The following GPR39 variants were observed in gnomAD, a reference collection of about 807,000 sequenced individuals.
The protein encoded by GPR39 is zinc sensing receptor.
GPR39 carries 23 observed loss-of-function variants against 18.4 expected under a neutral mutation model. The ratio of observed to expected loss-of-function variants is 1.25; its 90% CI spans 0.90 to 1.77. The LOEUF (loss-of-function observed/expected upper bound fraction) is 1.77, where lower values mean the gene tolerates loss of function less well. GPR39 is among the 40% of genes most tolerant of loss of function. The probability of loss-of-function intolerance (pLI) is 0.00; values close to 1 mark genes in which losing one functional copy is unlikely to be tolerated. For synonymous variants in GPR39, 280 were observed against 257.9 expected (o/e 1.09, Z -0.82); for missense variants, 647 against 602.4 (o/e 1.07, Z -0.78).
Position 132,645,209 on chromosome 2 carries a change from A to G in GPR39, c.965A>G (p.Tyr322Cys). 1.2e-5 allele frequency: 20 copies of G among 1,614,190 alleles called. No homozygotes were observed. The highest frequency in any genetic ancestry group is 1.7e-5 in the Non-Finnish European group (20 of 1,180,026). Reference sequence around the variant, plus strand: ...TGGACGAGGTCCTACTTCCGGGCGTACATGATCCTCCTCCCCTTCTCGGAG... The same window carrying G: ...TGGACGAGGTCCTACTTCCGGGCGTGCATGATCCTCCTCCCCTTCTCGGAG... ...HDWTRSYFRA[Y>C]MILLPFSETF... Residue 322 changes from tyrosine to cysteine, a missense_variant, in exon 2 of 2, where the codon TAC (tyrosine) becomes TGC (cysteine). Coordinates refer to ENST00000329321, the MANE Select transcript of GPR39 (RefSeq NM_001508.3).
intron 1 of GPR39, among the ~76,000 whole-genome samples, chr2:132,458,967 C>T (rs1680785648): frequency 6.6e-6 from 1 of 152,196 alleles, no homozygotes; most frequent in Non-Finnish European, 1.5e-5. Flanking sequence ...TCTCAGAATA[C>T]AGCTGGTTCC....
intron 1 of GPR39, among the ~76,000 whole-genome samples, chr2:132,433,287 A>T (rs1293088863): frequency 6.6e-6 from 1 of 152,210 alleles, no homozygotes; most frequent in Non-Finnish European, 1.5e-5. Context: ...GTATTAAATC[A>T]TAACTGCATA....
chr2:132,530,542 A>G (rs973516729), intron 1 of GPR39, among the ~76,000 whole-genome samples: 2 of 152,204 alleles, frequency 1.3e-5, no homozygotes, highest in Non-Finnish European at 1.5e-5. Context: ...CAACTCCAAG[A>G]CACATAATTT....
At chr2:132,594,074 A>T (rs2104834658) in intron 1 of GPR39, among the ~76,000 whole-genome samples, 1 of 152,326 alleles carries the variant, frequency 6.6e-6, no homozygotes, top group South Asian at 2.1e-4. Flanking sequence ...GTGGAAAATT[A>T]CAGCCAGGAT....
Position 132,645,564 on chromosome 2 carries a change from C to T in GPR39, c.1320C>T (p.Ala440=). The T allele has an allele frequency of 6.2e-7, 1 of 1,614,108 alleles. No individual in the cohort carries two copies. The highest frequency in any genetic ancestry group is 8.5e-7 in the Non-Finnish European group (1 of 1,180,000). ...AGCCCAACTCAGGCGCGAAACCAGC[C>T]AATTCTGCTGCAGAGAATGGTTTTC... is the stretch of plus-strand genomic sequence containing the variant. ...SLEPNSGAKP[A]NSAAENGFQE... Residue 440 remains alanine, a synonymous_variant, in exon 2 of 2, where the codon GCC becomes GCT. Coordinates refer to ENST00000329321, the MANE Select transcript of GPR39 (RefSeq NM_001508.3).
At chr2:132,444,029 T>A (rs113406636) in intron 1 of GPR39, among the ~76,000 whole-genome samples, 27,469 of 152,044 alleles carry the variant, frequency 0.18, 2,720 homozygotes, top group Middle Eastern at 0.35. Flanking sequence ...GAGCCATGAT[T>A]GCCCCACTGC....
chr2:132,633,765 CAG>C (rs1482477732), intron 1 of GPR39, among the ~76,000 whole-genome samples: 1 of 151,768 alleles, frequency 6.6e-6, no homozygotes, highest in Non-Finnish European at 1.5e-5. Context: ...GTGATTGTGA[CAG>C]AGACAGAGGT....
Position 132,514,551 on chromosome 2 carries a change from TC to T in GPR39, c.856+96657del, listed in dbSNP as rs1276169338. ...CCTGATTTCTTCTCTCTAGCTCTGT[TC>T]CCCTCTGCCACTTACAGTCCCCAGC... is the stretch of plus-strand genomic sequence containing the variant. On this transcript the variant is annotated intron_variant, in intron 1 of 1. Coordinates refer to ENST00000329321, the MANE Select transcript of GPR39 (RefSeq NM_001508.3). Among the ~76,000 whole-genome samples, 4 of 152,192 alleles carry T rather than the reference TC, an allele frequency of 2.6e-5. No individual in the cohort carries two copies. The East Asian group carries it at 5.9e-4, about 22-fold the overall frequency.
At chr2:132,611,458 C>G (rs1284764614) in intron 1 of GPR39, among the ~76,000 whole-genome samples, 1 of 152,160 alleles carries the variant, frequency 6.6e-6, no homozygotes, top group Non-Finnish European at 1.5e-5. Context: ...AGAGCAAGTG[C>G]AAATTTAGGC....
chr2:132,490,521 T>C (rs1326388562), intron 1 of GPR39, among the ~76,000 whole-genome samples: 1 of 151,940 alleles, frequency 6.6e-6, no homozygotes, highest in Non-Finnish European at 1.5e-5. Context: ...GAGACAAAAC[T>C]CTTTGACCTT....
chr2:132,423,875 A>G (rs1680065734), intron 1 of GPR39, among the ~76,000 whole-genome samples: 1 of 152,204 alleles, frequency 6.6e-6, no homozygotes, highest in Non-Finnish European at 1.5e-5. Flanking sequence ...GGTAATGAAT[A>G]TTTGTTGACT....
chr2:132,492,523 T>TAC (rs1478094718), intron 1 of GPR39, among the ~76,000 whole-genome samples: 6 of 121,506 alleles, frequency 4.9e-5, no homozygotes, highest in African/African-American at 1.4e-4. Context: ...ACCATATATA[T>TAC]ACACCATATA....
Position 132,452,840 on chromosome 2 carries a change from G to A in GPR39, c.856+34942G>A, listed in dbSNP as rs1000375901. Among the ~76,000 whole-genome samples, 10 of 143,262 alleles carry A rather than the reference G, an allele frequency of 7.0e-5. No homozygotes were observed. In the South Asian group the frequency reaches 1.4e-3, roughly 20 times the overall value. 94.0% of individuals were successfully genotyped at this position (143,262 alleles called of 152,430 possible). A position where few individuals can be genotyped will look rare whatever the true frequency, so the allele number is the denominator to read the frequency against. On this transcript the variant is annotated intron_variant, in intron 1 of 1. Coordinates refer to ENST00000329321, the MANE Select transcript of GPR39 (RefSeq NM_001508.3). ...TTTTTATGGCTGCATAGTATTCCAC[G>A]CTGTATATATGCCACATTTTCTTAA...
chr2:132,494,794 A>G (rs1265409538), intron 1 of GPR39, among the ~76,000 whole-genome samples: 1 of 151,720 alleles, frequency 6.6e-6, no homozygotes, highest in Admixed American at 6.6e-5. Flanking sequence ...CTTTCTTTAT[A>G]TTTGATGTTT....
chr2:132,432,449 C>T (rs1680240510), intron 1 of GPR39, among the ~76,000 whole-genome samples: 1 of 152,148 alleles, frequency 6.6e-6, no homozygotes, highest in Non-Finnish European at 1.5e-5. Context: ...AAATTCAGAC[C>T]ATAGCATCCT....
chr2:132,514,365 C>T (rs908594944), intron 1 of GPR39, among the ~76,000 whole-genome samples: 1 of 152,218 alleles, frequency 6.6e-6, no homozygotes, highest in Non-Finnish European at 1.5e-5. Context: ...CTCACCATTG[C>T]TCCCACACCA....
intron 1 of GPR39, among the ~76,000 whole-genome samples, chr2:132,595,947 A>T (rs1680937391): frequency 1.3e-5 from 2 of 152,074 alleles, no homozygotes; most frequent in African/African-American, 4.8e-5. Context: ...TGCTGGTAAG[A>T]GCTCATGTCA....
chr2:132,455,650 A>C lies in GPR39; in HGVS notation c.856+37752A>C, dbSNP rs9753500. Among the ~76,000 whole-genome samples, 62 of 152,018 alleles carry C rather than the reference A, an allele frequency of 4.1e-4. 1 individual carries two copies. The highest frequency in any genetic ancestry group is 4.1e-3 in the Admixed American group (62 of 15,268). On this transcript the variant is annotated intron_variant, in intron 1 of 1. Coordinates refer to ENST00000329321, the MANE Select transcript of GPR39 (RefSeq NM_001508.3). ...TAAATTTCCCTCTACACACTGCTTTAAATGTGTCCCAGAGATTCTGGTATG... is the reference window on the plus strand; with the variant it reads ...TAAATTTCCCTCTACACACTGCTTTCAATGTGTCCCAGAGATTCTGGTATG...
intron 1 of GPR39, among the ~76,000 whole-genome samples, chr2:132,600,242 G>A (rs969467080): frequency 6.6e-6 from 1 of 152,158 alleles, no homozygotes; most frequent in Admixed American, 6.6e-5. Flanking sequence ...ATGGGATACT[G>A]CAAAAACAGT....
Sources: gnomAD v4.1 joint callset for allele counts (sites outside exome capture counted in the v4.1 genomes callset) on GRCh38, gnomAD v4.1.1 for gene constraint, MANE v1.5 for transcripts, NCBI Gene and HGNC (gene_info 2026-07-23, HGNC 2026-07-21) for gene names.